Variants in USP16 observed in about 807,000 individuals in gnomAD.
USP16 encodes the protein ubiquitin carboxyl-terminal hydrolase 16.
USP16 carries 77 observed loss-of-function variants against 95.9 expected under a neutral mutation model. The ratio of observed to expected loss-of-function variants is 0.80; its 90% CI spans 0.67 to 0.97. The LOEUF (loss-of-function observed/expected upper bound fraction) is 0.97. USP16 is among the 50% of genes least tolerant of loss of function. The pLI, the probability that USP16 is intolerant of heterozygous loss-of-function variation, is 0.00. For missense variants in USP16, 943 were observed against 959.9 expected, an observed-to-expected ratio of 0.98 and a Z score of 0.23; for synonymous variants, 303 against 318.2, an observed-to-expected ratio of 0.95 and a Z score of 0.51.
At chr21:29,024,991 G>C in intron 1 of USP16, 1 of 381,996 alleles carries the variant, frequency 2.6e-6, no homozygotes, top group Non-Finnish European at 4.5e-6. Flanking sequence ...CGGCCTTCTC[G>C]ACCCCGTGGA....
rs375561676 is a variant in USP16 at position 29,038,416 on chromosome 21, G to T, written c.718G>T (p.Asp240Tyr). The change falls in exon 7 of 18, where the codon GAT becomes TAT. Residue 240 changes from aspartate (D) to tyrosine (Y), a missense_variant. By Grantham distance (160) the Asp-to-Tyr change is radical. Transcript: ENST00000399976. Reference protein sequence around the residue: ...SGTIVKIEPPDLALTEPLEIN... With the variant: ...SGTIVKIEPPYLALTEPLEIN... Reference sequence around the variant, plus strand: ...AACAATTGTAAAAATTGAACCACCTGATTTGGCATTAACAGTATGTTCTTT... The same window carrying T: ...AACAATTGTAAAAATTGAACCACCTTATTTGGCATTAACAGTATGTTCTTT... 1.9e-6 allele frequency: 3 copies of T among 1,611,702 alleles called. No individual in the cohort carries two copies. Among genetic ancestry groups the T allele is most frequent in the African/African-American group, 2.7e-5 (2 of 74,868 alleles).
At chr21:29,039,296 TC>T (rs2085209250) in intron 8 of USP16, 140 bp downstream of exon 8, 5 of 1,133,382 alleles carry the variant, frequency 4.4e-6, no homozygotes, top group Non-Finnish European at 3.4e-6. Context: ...TAGTTTTTTT[TC>T]ATTTGGATTT....
chr21:29,053,566 C>A, intron 16 of USP16: 1 of 412,888 alleles, frequency 2.4e-6, no homozygotes, highest in East Asian at 3.8e-5. Flanking sequence ...CAGGTAACTG[C>A]ATCAAGTGGC....
In USP16 at chr21:29,024,766, C is replaced by G; in HGVS notation, c.-53C>G. 7.8e-7 allele frequency: 1 copy of G among 1,288,364 alleles called. No homozygotes were observed. Among genetic ancestry groups the G allele is most frequent in the Non-Finnish European group, 1.0e-6 (1 of 988,444 alleles). 79.8% of individuals were successfully genotyped at this position (1,288,364 alleles called of 1,614,324 possible). A position where few individuals can be genotyped will look rare whatever the true frequency, so the allele number is the denominator to read the frequency against. ...CCATGAGGGGATGCAGTTATGGGCT[C>G]TGTCGCCGTGGGTGAGTTCTGGTCC... On this transcript the variant is annotated 5_prime_UTR_variant, in exon 1 of 18. Transcript: ENST00000399976.
At chr21:29,036,167 A>G in intron 4 of USP16, 104 bp from the exon 5 acceptor site, 1 of 901,756 alleles carries the variant, frequency 1.1e-6, no homozygotes, top group Non-Finnish European at 1.7e-6. Context: ...TTTCTTTAAT[A>G]GAATAAGTTG....
Position 29,046,738 on chromosome 21 carries a change from T to G in USP16, c.1428T>G (p.Pro476=), listed in dbSNP as rs1371315640. 1 of 1,613,912 alleles carries G rather than the reference T, an allele frequency of 6.2e-7. No individual in the cohort carries two copies. The highest frequency in any genetic ancestry group is 8.5e-7 in the Non-Finnish European group (1 of 1,180,000). Reference sequence around the variant, plus strand: ...ATGATATTTGTACTATTGACCATCCTGAAGACAGTGAATATGAAGCTGAAA... The same window carrying G: ...ATGATATTTGTACTATTGACCATCCGGAAGACAGTGAATATGAAGCTGAAA... ...HLNDICTIDH[P]EDSEYEAEMS... is the part of the protein sequence containing the mutation. The change falls in exon 14 of 18, where the codon CCT becomes CCG. Residue 476 remains proline (P), a synonymous_variant. Transcript: ENST00000399976.
chr21:29,046,681 A>G lies in USP16; in HGVS notation c.1371A>G (p.Gln457=), dbSNP rs2085328182. The change falls in exon 14 of 18, where the codon CAA becomes CAG. Residue 457 remains glutamine, a synonymous_variant. Transcript: ENST00000399976. ...TTTTTACCCAGAACCAACGAAGACA[A>G]CAAAAAATTCAAGGAAAAGTTCTTC... ...AKKQAKNQRR[Q]QKIQGKVLHL... 6.2e-7 allele frequency: 1 copy of G among 1,604,332 alleles called. No homozygotes were observed. Among genetic ancestry groups the G allele is most frequent in the Non-Finnish European group, 8.5e-7 (1 of 1,176,196 alleles).
chr21:29,039,082 G>C lies in USP16; in HGVS notation c.789G>C (p.Gln263His). Residue 263 changes from glutamine to histidine, a missense_variant, in exon 8 of 18, where the codon CAG (glutamine) becomes CAC (histidine). By Grantham distance (24) the Gln-to-His change is conservative (BLOSUM62 0). Coordinates refer to ENST00000399976, the MANE Select transcript of USP16 (RefSeq NM_006447.3). ...PPGPLTLAMS[Q>H]FLNEMQETKK... is the part of the protein sequence containing the mutation. ...GCCCTCTTACTTTAGCCATGAGCCAGTTTCTTAATGAGATGCAAGAGACCA... is the reference window on the plus strand; with the variant it reads ...GCCCTCTTACTTTAGCCATGAGCCACTTTCTTAATGAGATGCAAGAGACCA... The C allele has an allele frequency of 6.3e-7, 1 of 1,593,272 alleles. No homozygotes were observed. Among genetic ancestry groups the C allele is most frequent in the African/African-American group, 1.4e-5 (1 of 73,914 alleles).
At position 29,053,859 on chromosome 21, in the gene USP16, A is replaced by G. The variant is rs2085454045; in HGVS notation, c.2251A>G (p.Ser751Gly). The G allele has an allele frequency of 3.1e-6, 5 of 1,614,232 alleles. No homozygotes were observed. The highest frequency in any genetic ancestry group is 4.2e-6 in the Non-Finnish European group (5 of 1,180,038). The change falls in exon 17 of 18, where the codon AGT (serine) becomes GGT (glycine). Residue 751 changes from serine (S) to glycine (G), a missense_variant. Ser to Gly is a moderately conservative substitution (Grantham distance 56, BLOSUM62 0). Coordinates refer to ENST00000399976, the MANE Select transcript of USP16 (RefSeq NM_006447.3). ...LYSLYGVVEH[S>G]GTMRSGHYTA... The stretch of plus-strand genomic sequence containing the variant: ...TTCCTTATATGGAGTTGTTGAACAC[A>G]GTGGTACTATGAGGTCGGGGCATTA...
At position 29,024,704 on chromosome 21, in the gene USP16, C is replaced by A; in HGVS notation, c.-115C>A. ...GACTCCGTCGCTCTCAATTCGTCAC[C>A]AGGAGGAAGACGGAGCTGGCTGCCC... On this transcript the variant is annotated 5_prime_UTR_variant, in exon 1 of 18. Transcript: ENST00000399976. The A allele has an allele frequency of 7.8e-7, 1 of 1,289,250 alleles. No individual in the cohort carries two copies. Among genetic ancestry groups the A allele is most frequent in the Non-Finnish European group, 1.0e-6 (1 of 988,730 alleles). The allele number at this position is 1,289,250 out of a possible 1,614,324, so 79.9% of individuals were successfully genotyped here. A position where few individuals can be genotyped will look rare whatever the true frequency, so the allele number is the denominator to read the frequency against.
chr21:29,048,911 A>G (rs532875888), intron 15 of USP16, 56 bp downstream of exon 15: 3 of 1,281,934 alleles, frequency 2.3e-6, no homozygotes, highest in East Asian at 4.7e-5. Context: ...TTTATTACCT[A>G]TTTTTTTCAT....
chr21:29,038,264 A>C, intron 6 of USP16, 71 bp from the exon 7 acceptor site: 1 of 981,992 alleles, frequency 1.0e-6, no homozygotes, highest in East Asian at 2.4e-5. Flanking sequence ...GATAGAATAG[A>C]CACTTAAGAA....
intron 10 of USP16, among the ~76,000 whole-genome samples, chr21:29,041,705 G>C (rs1262975678): frequency 6.6e-6 from 1 of 152,144 alleles, no homozygotes; most frequent in African/African-American, 2.4e-5. Context: ...CTAATGGAGA[G>C]AGAGAGAAAG....
chr21:29,045,489 T>C (rs1200427097), intron 13 of USP16, among the ~76,000 whole-genome samples: 8 of 152,218 alleles, frequency 5.3e-5, no homozygotes, highest in South Asian at 2.1e-4. Flanking sequence ...GCCATTTTTT[T>C]CCCAGAATAC....
At chr21:29,026,965 G>C in intron 1 of USP16, among the ~76,000 whole-genome samples, 1 of 152,122 alleles carries the variant, frequency 6.6e-6, no homozygotes, top group East Asian at 1.9e-4. Flanking sequence ...CCAGGAAACT[G>C]TTAAATGCTT....
At chr21:29,039,817 G>T (rs1388042566) in intron 9 of USP16, among the ~76,000 whole-genome samples, 2 of 152,148 alleles carry the variant, frequency 1.3e-5, no homozygotes, top group Non-Finnish European at 2.9e-5. Context: ...GTTCTTTAAA[G>T]ATTCTGTTGT....
intron 6 of USP16, among the ~76,000 whole-genome samples, chr21:29,037,720 G>C (rs923693597): frequency 9.9e-5 from 15 of 151,676 alleles, no homozygotes; most frequent in African/African-American, 3.6e-4. Context: ...AGAGTAGCTG[G>C]GACTACAGGC....
At chr21:29,041,231 A>C (rs1310999163) in intron 10 of USP16, among the ~76,000 whole-genome samples, 2 of 152,168 alleles carry the variant, frequency 1.3e-5, no homozygotes, top group East Asian at 3.9e-4. Flanking sequence ...CTGTATTATA[A>C]AGCACAGATT....
rs771741706 is a variant in USP16 at position 29,054,157 on chromosome 21, G to A, written c.2442G>A (p.Ala814=). Residue 814 remains alanine (A), a synonymous_variant, in exon 18 of 18, where the codon GCG becomes GCA. Coordinates refer to ENST00000399976, the MANE Select transcript of USP16 (RefSeq NM_006447.3). ...VPTTKVLNSQ[A]YLLFYERIL The stretch of plus-strand genomic sequence containing the variant: ...CAACTAAAGTACTAAACTCACAAGC[G>A]TACCTCCTATTTTATGAGAGAATAC... The A allele has an allele frequency of 2.6e-5, 42 of 1,614,030 alleles. No individual in the cohort carries two copies. The highest frequency in any genetic ancestry group is 1.8e-4 in the South Asian group (16 of 91,078).
Sources: allele counts gnomAD v4.1 joint callset (sites outside exome capture counted in the v4.1 genomes callset), GRCh38; gene constraint gnomAD v4.1.1; transcripts MANE v1.5; gene names NCBI Gene and HGNC (gene_info 2026-07-23, HGNC 2026-07-21).